Variants in ADGRG6 observed in about 807,000 individuals in gnomAD.
ADGRG6 encodes the protein G-protein coupled receptor 126.
In ADGRG6, 84 loss-of-function variants were observed where a neutral mutation model predicts 142.4. The ratio of observed to expected loss-of-function variants is 0.59; its 90% CI spans 0.49 to 0.71. The LOEUF (loss-of-function observed/expected upper bound fraction) is 0.71, where lower values mean the gene tolerates loss of function less well. Among genes scored for constraint, ADGRG6 ranks in the 30% least tolerant of loss-of-function variants. The pLI is 0.00. For synonymous variants in ADGRG6, 521 were observed against 520.5 expected (o/e 1.00, Z -0.01); for missense variants, 1,367 against 1,466.6 (o/e 0.93, Z 1.11).
At chr6:142,350,628 G>A (rs576959648) in intron 2 of ADGRG6, among the ~76,000 whole-genome samples, 1 of 152,272 alleles carries the variant, frequency 6.6e-6, no homozygotes, top group Non-Finnish European at 1.5e-5. Context: ...TAAATATAAA[G>A]TGACTAGAGT....
At chr6:142,413,878 AAACT>A (rs1776216347) in intron 18 of ADGRG6, among the ~76,000 whole-genome samples, 1 of 147,902 alleles carries the variant, frequency 6.8e-6, no homozygotes, top group East Asian at 2.0e-4. Flanking sequence ...GTGAAACCTG[AAACT>A]AACCCACATT....
chr6:142,363,364 A>G (rs9389988), intron 2 of ADGRG6, among the ~76,000 whole-genome samples: 13,099 of 152,212 alleles, frequency 0.086, 656 homozygotes, highest in East Asian at 0.25. Flanking sequence ...GTTAATGATT[A>G]TTAAATCTAT....
chr6:142,397,241 TA>T (rs146127637), intron 9 of ADGRG6, among the ~76,000 whole-genome samples: 1 of 151,748 alleles, frequency 6.6e-6, no homozygotes, highest in African/African-American at 2.4e-5. Context: ...ATAGTTTTAT[TA>T]AAAAAAATTA....
chr6:142,413,898 A>AAC lies in ADGRG6; in HGVS notation c.2542-1071_2542-1070insAC, dbSNP rs1554252954. 4.7e-3 allele frequency among the ~76,000 whole-genome samples: 422 copies of AAC among 89,930 alleles called. 1 individual carries two copies. The highest frequency in any genetic ancestry group is 0.02 in the African/African-American group (379 of 18,914). 59.0% of individuals were successfully genotyped at this position (89,930 alleles called of 152,430 possible). A position where few individuals can be genotyped will look rare whatever the true frequency, so the allele number is the denominator to read the frequency against. On this transcript the variant is annotated intron_variant, in intron 18 of 24. Coordinates refer to ENST00000367609, the MANE Select transcript of ADGRG6 (RefSeq NM_198569.3). ...ACCTGAAACTAACCCACATTTCTTT[A>AAC]TCACACACACACACACACACACACA...
intron 1 of ADGRG6, among the ~76,000 whole-genome samples, chr6:142,305,429 T>TACACACACACACACACACAC (rs5880531): frequency 8.3e-6 from 1 of 120,794 alleles, no homozygotes; most frequent in African/African-American, 3.5e-5. Flanking sequence ...GCCCCTCCTG[T>TACACACACACACACACACAC]ACACACACAC....
chr6:142,414,900 T>C (rs1230317799), intron 18 of ADGRG6, 69 bp from the exon 19 acceptor site: 2 of 1,406,436 alleles, frequency 1.4e-6, no homozygotes, highest in Admixed American at 2.1e-5. Context: ...CAGTGAACTT[T>C]CTAGTGAAAC....
chr6:142,356,035 A>T (rs1009674994), intron 2 of ADGRG6, among the ~76,000 whole-genome samples: 1 of 152,214 alleles, frequency 6.6e-6, no homozygotes, highest in Non-Finnish European at 1.5e-5. Context: ...CAGAGGCTCT[A>T]TGAGGTTAAT....
intron 1 of ADGRG6, among the ~76,000 whole-genome samples, chr6:142,307,229 A>G (rs1249897291): frequency 1.3e-5 from 2 of 152,124 alleles, no homozygotes; most frequent in African/African-American, 4.8e-5. Context: ...TCGTATGTCA[A>G]AGAGTGTAAG....
At chr6:142,436,671 A>G (rs1004693778) in intron 22 of ADGRG6, among the ~76,000 whole-genome samples, 2 of 152,206 alleles carry the variant, frequency 1.3e-5, no homozygotes, top group African/African-American at 4.8e-5. Flanking sequence ...GTTAATGGAC[A>G]TAACCAAGTA....
chr6:142,362,617 A>G (rs765495995), intron 2 of ADGRG6, among the ~76,000 whole-genome samples: 1 of 152,234 alleles, frequency 6.6e-6, no homozygotes, highest in Non-Finnish European at 1.5e-5. Flanking sequence ...CTTGGATTCT[A>G]TGCCATCTTG....
chr6:142,343,625 G>A (rs948986985), intron 2 of ADGRG6, among the ~76,000 whole-genome samples: 1 of 151,676 alleles, frequency 6.6e-6, no homozygotes, highest in Non-Finnish European at 1.5e-5. Context: ...TTTAACATTA[G>A]AACAATATAT....
intron 22 of ADGRG6, among the ~76,000 whole-genome samples, chr6:142,422,341 AGT>A (rs1166252436): frequency 2.0e-5 from 3 of 151,766 alleles, no homozygotes; most frequent in African/African-American, 7.3e-5. Context: ...CAGTCCCCAG[AGT>A]GTGATATTCC....
chr6:142,311,898 C>T (rs1467310889), intron 2 of ADGRG6, among the ~76,000 whole-genome samples: 1 of 151,942 alleles, frequency 6.6e-6, no homozygotes, highest in Admixed American at 6.6e-5. Context: ...CTTTAAAATT[C>T]CTCCTTCTAT....
chr6:142,416,020 C>T lies in ADGRG6; in HGVS notation c.2894C>T (p.Thr965Ile), dbSNP rs764791367. The part of the protein sequence containing the change: ...MYIALVKVFN[T>I]YIRRYILKFC... ...ATTGCTCTAGTTAAAGTATTTAACA[C>T]TTACATTCGCCGATACATTCTAAAA... The change falls in exon 20 of 25, where the codon ACT (threonine) becomes ATT (isoleucine). Residue 965 changes from threonine to isoleucine, a missense_variant. Thr to Ile is a moderately conservative substitution (Grantham distance 89). Around this residue, in one of 3 missense-constraint regions of ADGRG6, gnomAD observed 344 missense variants for 348.7 expected, o/e 0.99. Transcript: ENST00000367609. The T allele has an allele frequency of 1.9e-6, 3 of 1,611,760 alleles. No individual in the cohort carries two copies. Among genetic ancestry groups the T allele is most frequent in the South Asian group, 1.1e-5 (1 of 91,046 alleles).
chr6:142,371,100 T>C (rs965342823), intron 4 of ADGRG6: 24 of 305,266 alleles, frequency 7.9e-5, no homozygotes, highest in South Asian at 4.9e-4. Flanking sequence ...ATAGTTATAA[T>C]TGTGGAATCT....
intron 2 of ADGRG6, among the ~76,000 whole-genome samples, chr6:142,332,468 A>T (rs987769113): frequency 6.7e-6 from 1 of 149,684 alleles, no homozygotes; most frequent in African/African-American, 2.5e-5. Context: ...CTAAATTCGA[A>T]TTTTTTAACT....
Position 142,397,672 on chromosome 6 carries a change from A to G in ADGRG6, c.1484A>G (p.Lys495Arg). Residue 495 changes from lysine to arginine, a missense_variant, in exon 10 of 25, where the codon AAA becomes AGA. This residue lies in a region of ADGRG6 where 737 missense variants were observed against 746.5 expected (regional missense o/e 0.99). Coordinates refer to ENST00000367609, the MANE Select transcript of ADGRG6 (RefSeq NM_198569.3). The stretch of plus-strand genomic sequence containing the variant: ...ACCAACAATACTAATTTGGAAGGAA[A>G]AATCATTCAGCAGAAGCTCCTAAAA... The part of the protein sequence containing the change: ...NATNNTNLEG[K>R]IIQQKLLKNN... 1 of 1,608,200 alleles carries G rather than the reference A, an allele frequency of 6.2e-7. No individual in the cohort carries two copies.
chr6:142,370,466 GA>G lies in ADGRG6; in HGVS notation c.745del (p.Ser249AlafsTer18). ...CAAAGAAAAAGAAGACATTTTTGCA[GA>G]AAGCTTTGAACAGCTCTGCCTTGTT... is the stretch of plus-strand genomic sequence containing the variant. The part of the protein sequence containing the change: ...PVKEKEDIFA[E>X]SFEQLCLVWN... On this transcript the variant is annotated frameshift_variant, in exon 4 of 25. Transcript: ENST00000367609. LOFTEE classifies it high-confidence loss of function. 2 of 1,613,286 alleles carry G rather than the reference GA, an allele frequency of 1.2e-6. No individual in the cohort carries two copies. Among genetic ancestry groups the G allele is most frequent in the Non-Finnish European group, 8.5e-7 (1 of 1,179,282 alleles).
At chr6:142,415,135 G>C (rs1389605820) in intron 19 of ADGRG6, 39 bp downstream of exon 19, 2 of 1,549,376 alleles carry the variant, frequency 1.3e-6, no homozygotes, top group Non-Finnish European at 8.8e-7. Context: ...ATTGCTAACT[G>C]TTCCAAATGT....
Sources: allele counts gnomAD v4.1 joint callset (sites outside exome capture counted in the v4.1 genomes callset), GRCh38; gene constraint gnomAD v4.1.1; regional missense constraint gnomAD v4.1.1; transcripts MANE v1.5; gene names NCBI Gene and HGNC (gene_info 2026-07-23, HGNC 2026-07-21).